Variants in BRCA2 observed in about 807,000 individuals in gnomAD.
The protein encoded by BRCA2 is BRCA2 DNA repair associated, also known as breast cancer type 2 susceptibility protein.
A neutral mutation model predicts 276.7 loss-of-function variants in BRCA2; 203 were observed. The observed-to-expected ratio is 0.73, with a 90% confidence interval of 0.65 to 0.82. BRCA2 has a LOEUF of 0.82. BRCA2 is among the 40% of genes least tolerant of loss of function. BRCA2 has a pLI of 0.00. For synonymous variants in BRCA2, 1,289 were observed against 1,338.4 expected, an observed-to-expected ratio of 0.96 and a Z score of 0.81; for missense variants, 3,920 against 3,915.0, an observed-to-expected ratio of 1.00 and a Z score of -0.03.
chr13:32,334,598 C>G (rs1250802678), intron 10 of BRCA2, among the ~76,000 whole-genome samples: 3 of 150,794 alleles, frequency 2.0e-5, no homozygotes, highest in Admixed American at 2.0e-4. Context: ...CACTTGAGCC[C>G]AAGTGACTGA....
intron 18 of BRCA2, 81 bp downstream of exon 18, chr13:32,363,614 C>A (rs2072762203): frequency 8.0e-7 from 1 of 1,245,842 alleles, no homozygotes; most frequent in Non-Finnish European, 1.1e-6. Context: ...ATTTTAAATG[C>A]TTACTAAGGA....
At position 32,338,317 on chromosome 13, in the gene BRCA2, A is replaced by G. The variant is rs80358645; in HGVS notation, c.3962A>G (p.Asp1321Gly). 24 of 1,585,496 alleles carry G rather than the reference A, an allele frequency of 1.5e-5. No individual in the cohort carries two copies. Among genetic ancestry groups the G allele is most frequent in the Non-Finnish European group, 2.1e-5 (24 of 1,168,684 alleles). Residue 1321 changes from aspartate to glycine, a missense_variant, in exon 11 of 27, where the codon GAT becomes GGT. By Grantham distance (94) the Asp-to-Gly change is moderately conservative. Coordinates refer to ENST00000380152, the MANE Select transcript of BRCA2 (RefSeq NM_000059.4). Reference protein sequence around the residue: ...ENYKRNTENEDNKYTAASRNS... With the variant: ...ENYKRNTENEGNKYTAASRNS... ...TACAAGAGAAATACTGAAAATGAAG[A>G]TAACAAATATACTGCTGCCAGTAGA...
rs111421811 is a variant in BRCA2, at chr13:32,332,225, A to T, written c.794-47A>T. The T allele has an allele frequency of 3.4e-6, 5 of 1,489,188 alleles. No individual in the cohort carries two copies. In the African/African-American group the frequency reaches 4.2e-5, roughly 13 times the overall value. The allele number at this position is 1,489,188 out of a possible 1,614,324, so 92.2% of individuals were successfully genotyped here. ...AAAGGTTGTGAGAATAATATAAATTATATGGCTTATAAAATATTAATGTGC... is the reference window on the plus strand; with the variant it reads ...AAAGGTTGTGAGAATAATATAAATTTTATGGCTTATAAAATATTAATGTGC... On this transcript the variant is annotated intron_variant, in intron 9 of 26. Transcript: ENST00000380152.
At chr13:32,320,494 C>T (rs911016362) in intron 3 of BRCA2, among the ~76,000 whole-genome samples, 2 of 152,216 alleles carry the variant, frequency 1.3e-5, no homozygotes, top group African/African-American at 4.8e-5. Flanking sequence ...ATTGTTACCT[C>T]TACCCACAAC....
In BRCA2 at chr13:32,398,528, A is replaced by G. The variant is rs768567428; in HGVS notation, c.10015A>G (p.Ile3339Val). The G allele has an allele frequency of 1.9e-6, 3 of 1,614,090 alleles. No homozygotes were observed. Among genetic ancestry groups the G allele is most frequent in the East Asian group, 2.2e-5 (1 of 44,902 alleles). ...NEISLLESNSIADEELALINT... is the reference protein window; with the variant it reads ...NEISLLESNSVADEELALINT... ...AATTTCTCTTTTGGAAAGTAATTCAATAGCTGACGAAGAACTTGCATTGAT... is the reference window on the plus strand; with the variant it reads ...AATTTCTCTTTTGGAAAGTAATTCAGTAGCTGACGAAGAACTTGCATTGAT... Residue 3339 changes from isoleucine (I) to valine (V), a missense_variant, in exon 27 of 27, where the codon ATA (isoleucine) becomes GTA (valine). Physicochemically the swap from Ile to Val is conservative, Grantham distance 29. This residue lies in a region of BRCA2 where 657 missense variants were observed against 758.2 expected (regional missense o/e 0.87). Coordinates refer to ENST00000380152, the MANE Select transcript of BRCA2 (RefSeq NM_000059.4).
Position 32,339,032 on chromosome 13 carries a change from T to C in BRCA2, c.4677T>C (p.Phe1559=), listed in dbSNP as rs786201540. Reference sequence around the variant, plus strand: ...AAGGTACTAGTGAAATCACCAGTTTTAGCCATCAATGGGCAAAGACCCTAA... The same window carrying C: ...AAGGTACTAGTGAAATCACCAGTTTCAGCCATCAATGGGCAAAGACCCTAA... ...KEQGTSEITS[F]SHQWAKTLKY... is the part of the protein sequence containing the mutation. Residue 1559 remains phenylalanine, a synonymous_variant, in exon 11 of 27, where the codon TTT becomes TTC. Transcript: ENST00000380152. The C allele has an allele frequency of 9.9e-6, 16 of 1,613,898 alleles. No homozygotes were observed. The highest frequency in any genetic ancestry group is 1.3e-5 in the African/African-American group (1 of 74,918).
chr13:32,327,822 G>T (rs1196721920), intron 7 of BRCA2, among the ~76,000 whole-genome samples: 1 of 149,232 alleles, frequency 6.7e-6, no homozygotes, highest in Non-Finnish European at 1.5e-5. Flanking sequence ...AGGCTGGAGT[G>T]CAGTGGCACC....
rs864622516 is a variant in BRCA2, at chr13:32,340,592, G to A, written c.6237G>A (p.Val2079=). 4 of 1,608,650 alleles carry A rather than the reference G, an allele frequency of 2.5e-6. No homozygotes were observed. The highest frequency in any genetic ancestry group is 1.3e-5 in the African/African-American group (1 of 74,680). The change falls in exon 11 of 27, where the codon GTG becomes GTA. Residue 2079 remains valine (V), a synonymous_variant. Coordinates refer to ENST00000380152, the MANE Select transcript of BRCA2 (RefSeq NM_000059.4). ...LESSLHKVKG[V]LEEFDLIRTE... ...GTTCCTTACACAAAGTTAAGGGAGT[G>A]TTAGAGGAATTTGATTTAATCAGAA...
chr13:32,344,629 A>G lies in BRCA2; in HGVS notation c.6913A>G (p.Lys2305Glu), dbSNP rs587782594. The change falls in exon 12 of 27, where the codon AAG becomes GAG. Residue 2305 changes from lysine to glutamate, a missense_variant. Physicochemically the swap from Lys to Glu is moderately conservative, Grantham distance 56 (BLOSUM62 1). Transcript: ENST00000380152. ...RIIENQEKSL[K>E]ASKSTPDGTI... ...AATAGAAAATCAAGAAAAATCCTTA[A>G]AGGCTTCAAAAAGCACTCCAGATGG... 6.3e-7 allele frequency: 1 copy of G among 1,579,506 alleles called. No homozygotes were observed. Among genetic ancestry groups the G allele is most frequent in the Non-Finnish European group, 8.7e-7 (1 of 1,148,938 alleles).
rs761505767 is a variant in BRCA2 at position 32,355,202 on chromosome 13, A to T, written c.7349A>T (p.Asn2450Ile). Residue 2450 changes from asparagine to isoleucine, a missense_variant, in exon 14 of 27, where the codon AAT becomes ATT. This residue lies in a region of BRCA2 where 3,263 missense variants were observed against 3,156.9 expected (regional missense o/e 1.03). Transcript: ENST00000380152. ...HGSDDSKNKI[N>I]DNEIHQFNKN... Reference sequence around the variant, plus strand: ...TCTGATGATAGTAAAAATAAGATTAATGACAATGAGATTCATCAGTTTAAC... The same window carrying T: ...TCTGATGATAGTAAAAATAAGATTATTGACAATGAGATTCATCAGTTTAAC... 5 of 1,613,270 alleles carry T rather than the reference A, an allele frequency of 3.1e-6. No homozygotes were observed. The Admixed American group carries it at 8.3e-5, about 27-fold the overall frequency.
intron 12 of BRCA2, among the ~76,000 whole-genome samples, chr13:32,345,366 A>G (rs1566237298): frequency 6.6e-6 from 1 of 152,074 alleles, no homozygotes; most frequent in Non-Finnish European, 1.5e-5. Flanking sequence ...AGTGAAAAGG[A>G]CATACATAAC....
intron 17 of BRCA2, among the ~76,000 whole-genome samples, 199 bp from the exon 18 acceptor site, chr13:32,362,980 T>C (rs1222064041): frequency 6.6e-6 from 1 of 152,240 alleles, no homozygotes; most frequent in Non-Finnish European, 1.5e-5. Context: ...TAAAGCATTT[T>C]TGCATTTTAT....
Position 32,397,004 on chromosome 13 carries a change from A to G in BRCA2, c.9608A>G (p.Tyr3203Cys), listed in dbSNP as rs2137659539. 2 of 1,614,166 alleles carry G rather than the reference A, an allele frequency of 1.2e-6. No homozygotes were observed. The highest frequency in any genetic ancestry group is 1.7e-6 in the Non-Finnish European group (2 of 1,179,990). ...TPTKDCTSGP[Y>C]TAQIIPGTGN... Reference sequence around the variant, plus strand: ...ACTAAAGACTGTACTTCAGGGCCGTACACTGCTCAAATCATTCCTGGTACA... The same window carrying G: ...ACTAAAGACTGTACTTCAGGGCCGTGCACTGCTCAAATCATTCCTGGTACA... The change falls in exon 26 of 27, where the codon TAC (tyrosine) becomes TGC (cysteine). Residue 3203 changes from tyrosine (Y) to cysteine (C), a missense_variant. Physicochemically the swap from Tyr to Cys is radical, Grantham distance 194 (BLOSUM62 -2). Transcript: ENST00000380152.
At position 32,326,239 on chromosome 13, in the gene BRCA2, C is replaced by T. The variant is rs371431745; in HGVS notation, c.476-3C>T. ...AACAATTTTCCCCTTTTTTTACCCC[C>T]AGTGGTATGTGGGAGTTTGTTTCAT... On this transcript the variant is annotated splice_region_variant and splice_polypyrimidine_tract_variant and intron_variant, in intron 5 of 26. Transcript: ENST00000380152. The T allele has an allele frequency of 2.5e-6, 4 of 1,613,062 alleles. No individual in the cohort carries two copies. The highest frequency in any genetic ancestry group is 3.4e-6 in the Non-Finnish European group (4 of 1,179,378).
chr13:32,339,560 A>G lies in BRCA2; in HGVS notation c.5205A>G (p.Lys1735=), dbSNP rs1131692115. Residue 1735 remains lysine (K), a synonymous_variant, in exon 11 of 27, where the codon AAA becomes AAG. Coordinates refer to ENST00000380152, the MANE Select transcript of BRCA2 (RefSeq NM_000059.4). The stretch of plus-strand genomic sequence containing the variant: ...ATGACAAAAATCATCTCTCCGAAAA[A>G]CAAGATACTTATTTAAGTAACAGTA... ...AENDKNHLSE[K]QDTYLSNSSM... 2 of 1,608,392 alleles carry G rather than the reference A, an allele frequency of 1.2e-6. No homozygotes were observed. Among genetic ancestry groups the G allele is most frequent in the Middle Eastern group, 1.7e-4 (1 of 6,024 alleles).
intron 24 of BRCA2, among the ~76,000 whole-genome samples, chr13:32,380,791 C>T (rs1198857449): frequency 1.3e-5 from 2 of 152,064 alleles, no homozygotes; most frequent in East Asian, 1.9e-4. Flanking sequence ...CTACCAGCCT[C>T]GGCCTCCCAA....
chr13:32,330,150 C>T (rs911800641), intron 8 of BRCA2, among the ~76,000 whole-genome samples: 4 of 152,174 alleles, frequency 2.6e-5, no homozygotes, highest in East Asian at 1.9e-4. Context: ...CTGAAGTTTT[C>T]GTTTAGGCTC....
At chr13:32,383,203 A>G (rs561069821) in intron 24 of BRCA2, among the ~76,000 whole-genome samples, 1 of 148,844 alleles carries the variant, frequency 6.7e-6, no homozygotes, top group South Asian at 2.1e-4. Flanking sequence ...TACTAAAAAT[A>G]CAAAAAATTA....
intron 20 of BRCA2, among the ~76,000 whole-genome samples, chr13:32,371,315 C>G (rs546150742): frequency 6.6e-6 from 1 of 151,984 alleles, no homozygotes; most frequent in East Asian, 1.9e-4. Context: ...AATATTTTTC[C>G]TGAATTCTTA....
Sources: allele counts gnomAD v4.1 joint callset (sites outside exome capture counted in the v4.1 genomes callset), GRCh38; gene constraint gnomAD v4.1.1; regional missense constraint gnomAD v4.1.1; transcripts MANE v1.5; gene names NCBI Gene and HGNC (gene_info 2026-07-23, HGNC 2026-07-21).